CCDC30: variants seen among roughly 807,000 people sequenced by gnomAD.
The protein encoded by CCDC30 is coiled-coil domain-containing protein 30.
CCDC30 carries 70 observed loss-of-function variants against 100.2 expected under a neutral mutation model. The observed-to-expected ratio is 0.70, with a 90% CI of 0.58 to 0.85. The LOEUF (loss-of-function observed/expected upper bound fraction) is 0.85, where lower values mean the gene tolerates loss of function less well. CCDC30 is among the 40% of genes least tolerant of loss of function. CCDC30 has a pLI of 0.00. For synonymous variants in CCDC30, 233 were observed against 269.5 expected (o/e 0.86, Z 1.33); for missense variants, 652 against 771.2 (o/e 0.85, Z 1.83).
At chr1:42,649,261 G>A (rs2148696091) in intron 15 of CCDC30, among the ~76,000 whole-genome samples, 1 of 152,292 alleles carries the variant, frequency 6.6e-6, no homozygotes, top group African/African-American at 2.4e-5. Flanking sequence ...CCATGATCAA[G>A]TGAGATTTGT....
chr1:42,644,383 A>G (rs1194217976), intron 13 of CCDC30, among the ~76,000 whole-genome samples: 3 of 152,110 alleles, frequency 2.0e-5, no homozygotes, highest in Non-Finnish European at 4.4e-5. Flanking sequence ...AGCTGATTAG[A>G]TTGTGCCCAC....
chr1:42,556,096 TCCCGA>T lies in CCDC30; in HGVS notation c.457-10199_457-10195del. On this transcript the variant is annotated intron_variant, in intron 6 of 16. Transcript: ENST00000668663. ...ACTGTCTTGACTTGTAGCTTTTTTT[TCCCGA>T]TTCTACTACTATAATAAGCATTTTG... 3.3e-6 allele frequency: 5 copies of T among 1,513,036 alleles called. No individual in the cohort carries two copies. In the Admixed American group the frequency reaches 6.3e-5, roughly 19 times the overall value. 93.7% of individuals were successfully genotyped at this position (1,513,036 alleles called of 1,614,324 possible).
chr1:42,470,727 C>T (rs915997202), intron 1 of CCDC30, among the ~76,000 whole-genome samples: 6 of 152,092 alleles, frequency 3.9e-5, no homozygotes, highest in African/African-American at 1.4e-4. Flanking sequence ...TGTATGATTC[C>T]ATTTCTATGA....
intron 11 of CCDC30, among the ~76,000 whole-genome samples, chr1:42,620,213 G>A (rs1156491078): frequency 6.6e-6 from 1 of 152,120 alleles, no homozygotes; most frequent in Non-Finnish European, 1.5e-5. Context: ...CACAAAGAAG[G>A]AAACAACAGA....
In CCDC30 at chr1:42,543,275, CT is replaced by C. The variant is rs10637500; in HGVS notation, c.457-23008del. Among the ~76,000 whole-genome samples, 269 of 143,408 alleles carry C rather than the reference CT, an allele frequency of 1.9e-3. 1 individual carries two copies. Among genetic ancestry groups the C allele is most frequent in the East Asian group, 4.5e-3 (22 of 4,876 alleles). The allele number at this position is 143,408 out of a possible 152,430, so 94.1% of individuals were successfully genotyped here. ...GGTGTGAGCCACCACAACTGGCCTT[CT>C]TTTTTTTTTTTTCCCCTCCTTCCCT... is the stretch of plus-strand genomic sequence containing the variant. On this transcript the variant is annotated intron_variant, in intron 6 of 16. Transcript: ENST00000668663.
chr1:42,532,340 G>A (rs1265218100), intron 6 of CCDC30, among the ~76,000 whole-genome samples: 2 of 152,080 alleles, frequency 1.3e-5, no homozygotes, highest in African/African-American at 4.8e-5. Context: ...ACTTAAAAAG[G>A]AAAAATAATT....
At chr1:42,495,345 G>T (rs907376116) in intron 4 of CCDC30, among the ~76,000 whole-genome samples, 2 of 151,978 alleles carry the variant, frequency 1.3e-5, no homozygotes, top group Admixed American at 1.3e-4. Flanking sequence ...ATGACACTCT[G>T]GGGACTGTTG....
At chr1:42,466,121 G>A (rs1410358648) in intron 1 of CCDC30, among the ~76,000 whole-genome samples, 2 of 152,174 alleles carry the variant, frequency 1.3e-5, no homozygotes, top group Non-Finnish European at 2.9e-5. Flanking sequence ...TGTGTGAAAG[G>A]AGTGGAAAAT....
rs1646301644 is a variant in CCDC30 at position 42,596,985 on chromosome 1, T to G, written c.1164+7502T>G. On this transcript the variant is annotated intron_variant, in intron 10 of 16. Transcript: ENST00000668663. The surrounding 1 kb of genome is among the most constrained non-coding windows in gnomAD (Gnocchi z 4.3). ...CGTTACAGTGTTTTTGATTTTTAAG[T>G]AAAGATCAAAAACACTGTAACAGAA... 6.6e-6 allele frequency among the ~76,000 whole-genome samples: 1 copy of G among 151,976 alleles called. No individual in the cohort carries two copies. Among genetic ancestry groups the G allele is most frequent in the African/African-American group, 2.4e-5 (1 of 41,384 alleles).
At chr1:42,536,869 A>T (rs1644915369) in intron 6 of CCDC30, 1 of 422,654 alleles carries the variant, frequency 2.4e-6, no homozygotes, top group Non-Finnish European at 4.3e-6. Flanking sequence ...GTGTCCTCAC[A>T]TGACAGAGTG....
intron 13 of CCDC30, 53 bp downstream of exon 17, chr1:42,642,662 C>A: frequency 7.0e-7 from 1 of 1,419,948 alleles, no homozygotes; most frequent in Admixed American, 2.4e-5. Flanking sequence ...GATGTTTCTC[C>A]CTCAACAAAG....
chr1:42,653,408 A>C (rs1433697886), exon 16 of CCDC30: 3 of 1,606,892 alleles, frequency 1.9e-6, no homozygotes, highest in Non-Finnish European at 2.6e-6. Context: ...TTGAATCCGA[A>C]GTAGTGAATG....
chr1:42,648,765 T>G lies in CCDC30; in HGVS notation c.1854+2448T>G, dbSNP rs55935479. ...AAGATCAATGAAACAAAAAGTTGGG[T>G]TTTTTTTTAAGATAAACAAAATCAA... On this transcript the variant is annotated intron_variant, in intron 15 of 16. Transcript: ENST00000668663. Among the ~76,000 whole-genome samples the G allele has an allele frequency of 6.9e-3, 1,042 of 150,866 alleles. 15 individuals are homozygous for G. Among genetic ancestry groups the G allele is most frequent in the African/African-American group, 0.024 (999 of 41,116 alleles).
intron 11 of CCDC30, among the ~76,000 whole-genome samples, chr1:42,613,310 A>G (rs1206659417): frequency 3.9e-5 from 6 of 152,136 alleles, no homozygotes; most frequent in Non-Finnish European, 8.8e-5. Context: ...GCTGGAGTGC[A>G]GTGGCACGAT....
At chr1:42,471,090 T>C (rs1469692315) in intron 1 of CCDC30, among the ~76,000 whole-genome samples, 1 of 152,154 alleles carries the variant, frequency 6.6e-6, no homozygotes, top group Non-Finnish European at 1.5e-5. Flanking sequence ...GGTGTAGCCA[T>C]GAGGATGGGC....
At chr1:42,551,338 C>A (rs1024570960) in intron 6 of CCDC30, among the ~76,000 whole-genome samples, 2 of 152,156 alleles carry the variant, frequency 1.3e-5, no homozygotes, top group African/African-American at 4.8e-5. Flanking sequence ...AGATACCTCC[C>A]ACCAGTTGAA....
chr1:42,615,657 G>A (rs753273505), intron 11 of CCDC30, among the ~76,000 whole-genome samples: 20 of 152,088 alleles, frequency 1.3e-4, no homozygotes, highest in Non-Finnish European at 2.5e-4. Context: ...CCTGTCTGTA[G>A]GAACAATGGG....
intron 7 of CCDC30, among the ~76,000 whole-genome samples, chr1:42,576,141 A>T (rs1281045474): frequency 6.6e-6 from 1 of 152,256 alleles, no homozygotes; most frequent in African/African-American, 2.4e-5. Context: ...TGTTTTTAAA[A>T]GAAAATTTGG....
At chr1:42,539,030 G>T (rs923152995) in intron 6 of CCDC30, 143 bp from the exon 8 acceptor site, 2 of 520,266 alleles carry the variant, frequency 3.8e-6, no homozygotes, top group South Asian at 5.5e-5. Context: ...GAAAGGCATC[G>T]GTCTGCCAGA....
Sources: gnomAD v4.1 joint callset for allele counts (sites outside exome capture counted in the v4.1 genomes callset) on GRCh38, gnomAD v4.1.1 for gene constraint, Gnocchi (gnomAD v3.1) non-coding constraint, MANE v1.5 for transcripts, NCBI Gene and HGNC (gene_info 2026-07-23, HGNC 2026-07-21) for gene names.